The following SLC9A1 variants were observed in gnomAD, a reference collection of about 807,000 sequenced individuals.
SLC9A1 encodes the protein solute carrier family 9 member A1.
SLC9A1 carries 22 observed loss-of-function variants against 67.9 expected under a neutral mutation model. The observed-to-expected ratio is 0.32, with a 90% CI of 0.23 to 0.46. The LOEUF (loss-of-function observed/expected upper bound fraction) is 0.46, where lower values mean the gene tolerates loss of function less well. Ranked by LOEUF, SLC9A1 falls within the 20% of genes least tolerant of loss-of-function variation. SLC9A1 has a pLI of 1.00. For missense variants in SLC9A1, 686 were observed against 1,094.8 expected, an observed-to-expected ratio of 0.63 and a Z score of 5.27; for synonymous variants, 421 against 471.8, an observed-to-expected ratio of 0.89 and a Z score of 1.40.
At chr1:27,153,922 G>T in intron 1 of SLC9A1, 61 bp downstream of exon 1, 1 of 1,141,164 alleles carries the variant, frequency 8.8e-7, no homozygotes, top group Non-Finnish European at 1.3e-6. Context: ...AATGGTGCGA[G>T]ATGAGGCAAG....
At chr1:27,110,698 A>G (rs565757690) in intron 2 of SLC9A1, among the ~76,000 whole-genome samples, 25 of 152,366 alleles carry the variant, frequency 1.6e-4, no homozygotes, top group African/African-American at 6.0e-4. Flanking sequence ...CCCCCAGCCC[A>G]GGAGCAGAAG....
At position 27,109,646 on chromosome 1, in the gene SLC9A1, G is replaced by T; in HGVS notation, c.945C>A (p.Ile315=). ...AGGTAAATCGGGAGGTGAAGGCTGC[G>T]ATGACCCCGTAGACCACGCCCACAA... is the stretch of plus-strand genomic sequence containing the variant. ...GVLVGVVYGV[I]AAFTSRFTSH... The change falls in exon 3 of 12, where the codon ATC becomes ATA. Residue 315 remains isoleucine, a synonymous_variant. Transcript: ENST00000263980. This position sits in a 1 kb window ranked among gnomAD's most constrained non-coding sequence, Gnocchi z 5.5. 6.2e-7 allele frequency: 1 copy of T among 1,613,880 alleles called. No individual in the cohort carries two copies. The highest frequency in any genetic ancestry group is 8.5e-7 in the Non-Finnish European group (1 of 1,179,952).
chr1:27,121,664 C>T (rs2083305599), intron 1 of SLC9A1, among the ~76,000 whole-genome samples: 1 of 152,184 alleles, frequency 6.6e-6, no homozygotes, highest in Non-Finnish European at 1.5e-5. Flanking sequence ...CACTGGGTTA[C>T]AAATCCCTCA....
intron 5 of SLC9A1, chr1:27,103,550 A>G: frequency 1.8e-6 from 1 of 544,216 alleles, no homozygotes; most frequent in Non-Finnish European, 3.3e-6. Flanking sequence ...TGACCCCCAC[A>G]CTGGTCATCT....
At chr1:27,115,554 C>CT (rs2083266881) in intron 1 of SLC9A1, among the ~76,000 whole-genome samples, 1 of 152,012 alleles carries the variant, frequency 6.6e-6, no homozygotes, top group Non-Finnish European at 1.5e-5. Flanking sequence ...TGGCTCATGC[C>CT]TGTATCCCAG....
intron 1 of SLC9A1, among the ~76,000 whole-genome samples, chr1:27,126,224 G>A (rs528663109): frequency 2.7e-5 from 4 of 150,748 alleles, no homozygotes; most frequent in African/African-American, 7.5e-5. Flanking sequence ...CTTTCTGACC[G>A]TTCCCCACCC....
intron 1 of SLC9A1, among the ~76,000 whole-genome samples, chr1:27,146,190 C>A (rs541098347): frequency 6.6e-6 from 1 of 152,146 alleles, no homozygotes; most frequent in Non-Finnish European, 1.5e-5. Flanking sequence ...TCTCTCCCTG[C>A]CTCAGGAGGA....
At chr1:27,102,994 T>C (rs1456957659) in intron 6 of SLC9A1, among the ~76,000 whole-genome samples, 2 of 152,130 alleles carry the variant, frequency 1.3e-5, no homozygotes, top group South Asian at 2.1e-4. Context: ...ATGCCTGGGA[T>C]AGGTTTCAAA....
intron 1 of SLC9A1, among the ~76,000 whole-genome samples, chr1:27,133,224 C>T (rs527727418): frequency 3.3e-5 from 5 of 152,136 alleles, no homozygotes; most frequent in Non-Finnish European, 7.4e-5. Context: ...TGCACCACCA[C>T]GCCCGGCTAA....
intron 1 of SLC9A1, among the ~76,000 whole-genome samples, chr1:27,130,344 C>T (rs564627952): frequency 6.6e-6 from 1 of 152,296 alleles, no homozygotes; most frequent in South Asian, 2.1e-4. Flanking sequence ...CCTCGTGATC[C>T]GCCTGCCTCG....
Position 27,101,478 on chromosome 1 carries a change from C to T in SLC9A1, c.2038-203G>A, listed in dbSNP as rs771514185. Among the ~76,000 whole-genome samples the T allele has an allele frequency of 7.2e-5, 11 of 152,176 alleles. No individual in the cohort carries two copies. Among genetic ancestry groups the T allele is most frequent in the Admixed American group, 1.3e-4 (2 of 15,284 alleles). ...GCTCCTGTCACAGCCTCCCTGAATA[C>T]ACCTACACTGCTCAGCCTTAAATCC... On this transcript the variant is annotated intron_variant, in intron 10 of 11. Transcript: ENST00000263980. This position sits in a 1 kb window ranked among gnomAD's most constrained non-coding sequence, Gnocchi z 4.9.
At chr1:27,102,612 G>A (rs2083155457) in intron 7 of SLC9A1, 54 bp from the exon 8 acceptor site, 7 of 1,611,422 alleles carry the variant, frequency 4.3e-6, no homozygotes, top group South Asian at 3.3e-5. Context: ...GTGGGGAGAT[G>A]CCCAGGCCCA....
chr1:27,154,422 G>T lies in SLC9A1; in HGVS notation c.-88C>A. On this transcript the variant is annotated 5_prime_UTR_variant, in exon 1 of 12. Coordinates refer to ENST00000263980, the MANE Select transcript of SLC9A1 (RefSeq NM_003047.5). Reference sequence around the variant, plus strand: ...AGCAAAGGGTCAGCAAGTGGGAAGAGAGACTGGCGTAGTCTCTAGGAAAAG... The same window carrying T: ...AGCAAAGGGTCAGCAAGTGGGAAGATAGACTGGCGTAGTCTCTAGGAAAAG... 1.3e-6 allele frequency: 1 copy of T among 778,328 alleles called. No individual in the cohort carries two copies. The highest frequency in any genetic ancestry group is 2.0e-6 in the Non-Finnish European group (1 of 494,110). 48.2% of individuals were successfully genotyped at this position (778,328 alleles called of 1,614,324 possible).
At chr1:27,120,748 G>A (rs538605713) in intron 1 of SLC9A1, among the ~76,000 whole-genome samples, 3 of 151,820 alleles carry the variant, frequency 2.0e-5, no homozygotes, top group African/African-American at 7.2e-5. Flanking sequence ...AAAAAAAAAA[G>A]ATAAACTCTC....
In SLC9A1 at chr1:27,114,015, C is replaced by T; in HGVS notation, c.624G>A (p.Met208Ile). 6.2e-7 allele frequency: 1 copy of T among 1,614,168 alleles called. No individual in the cohort carries two copies. The highest frequency in any genetic ancestry group is 2.2e-5 in the East Asian group (1 of 44,884). ...LWNAFFLGGL[M>I]YAVCLVGGEQ... ...CACCGCCCACCAGGCACACGGCGTA[C>T]ATGAGGCCGCCCAGGAAGAAGGCGT... The change falls in exon 2 of 12, where the codon ATG becomes ATA. Residue 208 changes from methionine to isoleucine, a missense_variant. This residue lies in a region of SLC9A1 where 49 missense variants were observed against 73.1 expected (regional missense o/e 0.67). Coordinates refer to ENST00000263980, the MANE Select transcript of SLC9A1 (RefSeq NM_003047.5). The surrounding 1 kb of genome is among the most constrained non-coding windows in gnomAD (Gnocchi z 5.4).
chr1:27,103,527 T>G (rs2124131733), intron 5 of SLC9A1: 1 of 575,396 alleles, frequency 1.7e-6, no homozygotes, highest in Admixed American at 3.0e-5. Context: ...CGGTCAGAGG[T>G]TTCACTGCCA....
At chr1:27,117,074 C>T (rs548364045) in intron 1 of SLC9A1, among the ~76,000 whole-genome samples, 2 of 152,130 alleles carry the variant, frequency 1.3e-5, no homozygotes, top group South Asian at 4.2e-4. Flanking sequence ...ACAGTCATCT[C>T]CCAGGTTCCT....
At chr1:27,153,230 C>T (rs748136670) in intron 1 of SLC9A1, among the ~76,000 whole-genome samples, 3 of 152,216 alleles carry the variant, frequency 2.0e-5, no homozygotes, top group South Asian at 4.1e-4. Context: ...AGCCAGGCAG[C>T]GACCTGGGGG....
Position 27,137,003 on chromosome 1 carries a change from C to T in SLC9A1, c.352+16980G>A, listed in dbSNP as rs2083424552. Among the ~76,000 whole-genome samples, 3 of 152,232 alleles carry T rather than the reference C, an allele frequency of 2.0e-5. No homozygotes were observed. Among genetic ancestry groups the T allele is most frequent in the Admixed American group, 1.3e-4 (2 of 15,284 alleles). On this transcript the variant is annotated intron_variant, in intron 1 of 11. Coordinates refer to ENST00000263980, the MANE Select transcript of SLC9A1 (RefSeq NM_003047.5). This position sits in a 1 kb window ranked among gnomAD's most constrained non-coding sequence, Gnocchi z 4.6. ...CTTAGGTTTGGGCCTCGTTGCCATTCCATTGTAAGTGGTAGTGCCAGATGG... is the reference window on the plus strand; with the variant it reads ...CTTAGGTTTGGGCCTCGTTGCCATTTCATTGTAAGTGGTAGTGCCAGATGG...
Sources: gnomAD v4.1 joint callset for allele counts (sites outside exome capture counted in the v4.1 genomes callset) on GRCh38, gnomAD v4.1.1 for gene constraint, gnomAD v4.1.1 regional missense constraint, Gnocchi (gnomAD v3.1) non-coding constraint, MANE v1.5 for transcripts, NCBI Gene and HGNC (gene_info 2026-07-23, HGNC 2026-07-21) for gene names.